Variants in TTC6 observed in about 807,000 individuals in gnomAD.
TTC6 encodes the protein tetratricopeptide repeat domain 6, also known as tetratricopeptide repeat protein 6.
Under a neutral mutation model 210.4 loss-of-function variants are expected in TTC6, and 172 were observed. That is an observed-to-expected ratio of 0.82 (90% CI 0.72 to 0.93). The LOEUF is 0.93. TTC6 is among the 40% of genes least tolerant of loss of function. TTC6 has a pLI of 0.00. For synonymous variants in TTC6, 804 were observed against 819.6 expected (o/e 0.98, Z 0.32); for missense variants, 2,414 against 2,318.1 (o/e 1.04, Z -0.85).
chr14:37,656,508 T>C, intron 1 of TTC6, among the ~76,000 whole-genome samples: 1 of 78,952 alleles, frequency 1.3e-5, no homozygotes, highest in East Asian at 6.7e-4. Flanking sequence ...CAGGTGTGTG[T>C]GTGTGCGTGT....
At chr14:37,735,185 C>T (rs1442209921) in intron 7 of TTC6, among the ~76,000 whole-genome samples, 3 of 152,068 alleles carry the variant, frequency 2.0e-5, no homozygotes, top group South Asian at 2.1e-4. Context: ...TCTCCATCGT[C>T]GGTAATAATT....
chr14:37,683,098 G>T (rs928304492), intron 3 of TTC6, 134 bp downstream of exon 5: 10 of 736,812 alleles, frequency 1.4e-5, no homozygotes, highest in Non-Finnish European at 1.9e-5. Context: ...CTCTGAAAAG[G>T]GGGCCTCAGA....
At chr14:37,731,288 GT>G (rs1186505439) in intron 7 of TTC6, among the ~76,000 whole-genome samples, 7 of 152,142 alleles carry the variant, frequency 4.6e-5, no homozygotes, top group African/African-American at 7.2e-5. Context: ...AAGAAGCTAT[GT>G]AACACATTTG....
At chr14:37,705,619 A>G (rs950849853) in intron 5 of TTC6, among the ~76,000 whole-genome samples, 2 of 152,154 alleles carry the variant, frequency 1.3e-5, no homozygotes, top group Non-Finnish European at 2.9e-5. Context: ...GATATGCTTA[A>G]CTCTGTGGTA....
Position 37,682,888 on chromosome 14 carries a change from C to T in TTC6, c.1181C>T (p.Ala394Val), listed in dbSNP as rs1441453051. The T allele has an allele frequency of 3.9e-6, 6 of 1,535,496 alleles. No homozygotes were observed. The African/African-American group carries it at 6.9e-5, about 18-fold the overall frequency. The stretch of plus-strand genomic sequence containing the variant: ...CAGGAAATTTCGCAAGTTCAGCCAG[C>T]AGAGGAATTAAGTAAACCTTTGGAA... The change falls in exon 3 of 31, where the codon GCA becomes GTA. Residue 394 changes from alanine to valine, a missense_variant. By Grantham distance (64) the Ala-to-Val change is moderately conservative. Coordinates refer to ENST00000553443, the Ensembl canonical transcript of TTC6.
chr14:37,727,291 A>ATTTTTTTTT lies in TTC6; in HGVS notation c.1818+2304_1818+2312dup, dbSNP rs368293440. ...GACATTCTATGTTGGTATTTTTCTA[A>ATTTTTTTTT]TTTTTTTTTTTTTTTTTTTTTTTGA... is the stretch of plus-strand genomic sequence containing the variant. On this transcript the variant is annotated intron_variant, in intron 7 of 30. Coordinates refer to ENST00000553443, the Ensembl canonical transcript of TTC6. Among the ~76,000 whole-genome samples the ATTTTTTTTT allele has an allele frequency of 7.6e-4, 70 of 92,236 alleles. 2 individuals carry two copies. The highest frequency in any genetic ancestry group is 9.1e-3 in the Middle Eastern group (1 of 110). The allele number at this position is 92,236 out of a possible 152,430, so 60.5% of individuals were successfully genotyped here.
rs2095609220 is a variant in TTC6, at chr14:37,598,656, C to CGGCGTCG, written c.-235+2651_-235+2652insGTCGGGC. Among the ~76,000 whole-genome samples the CGGCGTCG allele has an allele frequency of 6.6e-6, 1 of 152,100 alleles. No individual in the cohort carries two copies. Among genetic ancestry groups the CGGCGTCG allele is most frequent in the Admixed American group, 6.5e-5 (1 of 15,284 alleles). On this transcript the variant is annotated intron_variant, in intron 1 of 2. Transcript: ENST00000556845. The surrounding 1 kb of genome is among the most constrained non-coding windows in gnomAD (Gnocchi z 4.9). ...CGGCGAAAGGTGGAAGGAGAGGCCGCGGCCTCGGGCCTCGGGCCCCGGGCC... is the reference window on the plus strand; with the variant it reads ...CGGCGAAAGGTGGAAGGAGAGGCCGCGGCGTCGGGCCTCGGGCCTCGGGCCCCGGGCC...
chr14:37,736,057 C>T (rs1245526113), intron 8 of TTC6, 47 bp downstream of exon 10: 1 of 973,854 alleles, frequency 1.0e-6, no homozygotes, highest in South Asian at 1.4e-5. Flanking sequence ...CTCTATCTGC[C>T]TACAGTCCAG....
At chr14:37,837,723 C>A (rs1018562325) in intron 29 of TTC6, among the ~76,000 whole-genome samples, 28 of 152,246 alleles carry the variant, frequency 1.8e-4, no homozygotes, top group African/African-American at 6.3e-4. Context: ...GATGAGGAAA[C>A]TGATGCAAAT....
chr14:37,826,366 T>G lies in TTC6; in HGVS notation c.5127+19T>G. ...CATGAAGGTAAAAACCATCTTAGAT[T>G]ATATTATTATTAGCATAAATTAACA... On this transcript the variant is annotated intron_variant, in intron 28 of 30. Transcript: ENST00000553443. 1 of 1,572,830 alleles carries G rather than the reference T, an allele frequency of 6.4e-7. No individual in the cohort carries two copies. The highest frequency in any genetic ancestry group is 8.6e-7 in the Non-Finnish European group (1 of 1,162,708).
chr14:37,716,648 A>G (rs772427164), intron 6 of TTC6, among the ~76,000 whole-genome samples: 1 of 152,166 alleles, frequency 6.6e-6, no homozygotes, highest in Non-Finnish European at 1.5e-5. Context: ...CTTAAAAAAT[A>G]TATGCATCAG....
Position 37,799,327 on chromosome 14 carries a change from A to G in TTC6, c.4029+2380A>G, listed in dbSNP as rs572833523. On this transcript the variant is annotated intron_variant, in intron 20 of 30. Transcript: ENST00000553443. Reference sequence around the variant, plus strand: ...TTTTGCTCTCTTGACCTCACCAATTATTGGCTTTTTTCTCTTTACTCTGGC... The same window carrying G: ...TTTTGCTCTCTTGACCTCACCAATTGTTGGCTTTTTTCTCTTTACTCTGGC... Among the ~76,000 whole-genome samples, 6 of 152,216 alleles carry G rather than the reference A, an allele frequency of 3.9e-5. No homozygotes were observed. The South Asian group carries it at 1.2e-3, about 32-fold the overall frequency.
At chr14:37,652,539 G>T (rs1229337342) in intron 1 of TTC6, among the ~76,000 whole-genome samples, 1 of 152,148 alleles carries the variant, frequency 6.6e-6, no homozygotes, top group Non-Finnish European at 1.5e-5. Flanking sequence ...TTTGATCAAA[G>T]TAATACATGA....
At chr14:37,829,270 A>G (rs2096179235) in intron 29 of TTC6, among the ~76,000 whole-genome samples, 1 of 152,018 alleles carries the variant, frequency 6.6e-6, no homozygotes, top group Non-Finnish European at 1.5e-5. Flanking sequence ...TAATTTTGGC[A>G]TGATCAATAC....
chr14:37,801,935 A>G (rs2096107554), intron 20 of TTC6, among the ~76,000 whole-genome samples: 1 of 152,224 alleles, frequency 6.6e-6, no homozygotes, highest in African/African-American at 2.4e-5. Flanking sequence ...TTACAAAGAT[A>G]CATGCATGTG....
chr14:37,721,480 C>CA (rs1338493418), intron 6 of TTC6, among the ~76,000 whole-genome samples: 2 of 152,180 alleles, frequency 1.3e-5, no homozygotes, highest in East Asian at 3.9e-4. Flanking sequence ...TTCAAAAGCT[C>CA]AGTTTTTTTC....
chr14:37,666,957 TTTTATTATTATATG>T (rs1445772671), intron 1 of TTC6, among the ~76,000 whole-genome samples: 1 of 150,506 alleles, frequency 6.6e-6, no homozygotes, highest in African/African-American at 2.4e-5. Context: ...TCCAGGCTGA[TTTTATTATTATATG>T]TTCATTATTA....
At chr14:37,833,892 C>T (rs1284284490) in intron 29 of TTC6, among the ~76,000 whole-genome samples, 1 of 152,132 alleles carries the variant, frequency 6.6e-6, no homozygotes, top group Non-Finnish European at 1.5e-5. Context: ...GATGTATTTC[C>T]TCAGTCTTTG....
intron 28 of TTC6, 93 bp downstream of exon 30, chr14:37,826,440 G>A: frequency 4.3e-6 from 5 of 1,158,608 alleles, no homozygotes; most frequent in Non-Finnish European, 5.7e-6. Flanking sequence ...GCTTTTTAAA[G>A]TGACTTATGG....
Sources: allele counts gnomAD v4.1 joint callset (sites outside exome capture counted in the v4.1 genomes callset), GRCh38; gene constraint gnomAD v4.1.1; non-coding constraint Gnocchi (gnomAD v3.1); transcripts MANE v1.5; gene names NCBI Gene and HGNC (gene_info 2026-07-23, HGNC 2026-07-21).